The following APBB2 variants were observed in gnomAD, a reference collection of about 807,000 sequenced individuals.
APBB2 encodes Fe65-like 1.
Under a neutral mutation model 82.5 loss-of-function variants are expected in APBB2, and 38 were observed. The observed-to-expected ratio is 0.46, with a 90% CI of 0.36 to 0.60. APBB2 has a LOEUF of 0.60. Ranked by LOEUF, APBB2 falls within the 20% of genes least tolerant of loss-of-function variation. APBB2 has a pLI of 0.00. For missense variants in APBB2, 772 were observed against 972.3 expected, an observed-to-expected ratio of 0.79 and a Z score of 2.74; for synonymous variants, 341 against 368.2, an observed-to-expected ratio of 0.93 and a Z score of 0.85.
intron 10 of APBB2, among the ~76,000 whole-genome samples, chr4:40,912,938 T>A (rs1778930875): frequency 6.6e-6 from 1 of 151,954 alleles, no homozygotes; most frequent in Non-Finnish European, 1.5e-5. Flanking sequence ...CCTGCAGGAG[T>A]CTTGGAAAAG....
At chr4:40,984,842 T>C (rs1375968185) in intron 6 of APBB2, among the ~76,000 whole-genome samples, 2 of 152,300 alleles carry the variant, frequency 1.3e-5, no homozygotes, top group East Asian at 3.9e-4. Context: ...TACGTGGTAC[T>C]AGATATTTTT....
At chr4:40,834,062 T>TC (rs1752993805) in intron 12 of APBB2, among the ~76,000 whole-genome samples, 1 of 152,132 alleles carries the variant, frequency 6.6e-6, no homozygotes, top group African/African-American at 2.4e-5. Flanking sequence ...ACCCACAGCT[T>TC]CCCCAGGGAG....
intron 1 of APBB2, among the ~76,000 whole-genome samples, chr4:41,204,620 G>A (rs79826091): frequency 0.036 from 5,537 of 152,262 alleles, 165 homozygotes; most frequent in Non-Finnish European, 0.046. Context: ...ACATAGTACC[G>A]TCATTCATTC....
At chr4:41,120,039 T>C (rs142655666) in intron 2 of APBB2, among the ~76,000 whole-genome samples, 1 of 152,294 alleles carries the variant, frequency 6.6e-6, no homozygotes, top group Non-Finnish European at 1.5e-5. Context: ...ATCACCATTA[T>C]ATAGATGAGG....
intron 3 of APBB2, among the ~76,000 whole-genome samples, chr4:41,095,676 T>C (rs911356697): frequency 6.6e-6 from 1 of 152,234 alleles, no homozygotes; most frequent in Non-Finnish European, 1.5e-5. Context: ...ACAAGTGTGC[T>C]GGGTGGTTCT....
chr4:41,144,764 C>T (rs192355868), intron 1 of APBB2, among the ~76,000 whole-genome samples: 1 of 152,332 alleles, frequency 6.6e-6, no homozygotes, highest in East Asian at 1.9e-4. Context: ...AGTTGTTTCC[C>T]TCCCTCACCT....
intron 5 of APBB2, among the ~76,000 whole-genome samples, chr4:41,027,468 C>A (rs1169142580): frequency 1.3e-5 from 2 of 150,192 alleles, no homozygotes; most frequent in Non-Finnish European, 3.0e-5. Context: ...TTCCCTCCAA[C>A]AGTGTATAAG....
intron 6 of APBB2, among the ~76,000 whole-genome samples, chr4:40,985,009 C>T (rs1286423148): frequency 6.6e-6 from 1 of 151,994 alleles, no homozygotes; most frequent in Non-Finnish European, 1.5e-5. Context: ...GCAGCCTCAA[C>T]CTCGTGGCTC....
At chr4:41,109,763 C>A (rs1748536219) in intron 2 of APBB2, among the ~76,000 whole-genome samples, 1 of 152,116 alleles carries the variant, frequency 6.6e-6, no homozygotes, top group Non-Finnish European at 1.5e-5. Flanking sequence ...AGCCACTGCG[C>A]CTGGCCAAGA....
chr4:41,042,751 A>G (rs13109452), intron 4 of APBB2, among the ~76,000 whole-genome samples: 41,638 of 144,658 alleles, frequency 0.29, 6,718 homozygotes, highest in East Asian at 0.56. Flanking sequence ...AGATCTGTCT[A>G]CTACCCCTGC....
At chr4:41,081,802 CAG>C (rs1461758142) in intron 3 of APBB2, among the ~76,000 whole-genome samples, 1 of 152,072 alleles carries the variant, frequency 6.6e-6, no homozygotes, top group Non-Finnish European at 1.5e-5. Flanking sequence ...TATGACAAGA[CAG>C]AATTAAAATT....
At chr4:40,919,529 C>T (rs1780722139) in intron 10 of APBB2, among the ~76,000 whole-genome samples, 1 of 152,200 alleles carries the variant, frequency 6.6e-6, no homozygotes, top group Non-Finnish European at 1.5e-5. Context: ...CTATGACATA[C>T]TGTAAAACAC....
intron 3 of APBB2, among the ~76,000 whole-genome samples, chr4:41,099,640 C>T (rs902255735): frequency 1.3e-5 from 2 of 151,930 alleles, no homozygotes; most frequent in Admixed American, 6.6e-5. Flanking sequence ...CTATAAAATC[C>T]GATCTTACTA....
At chr4:41,040,142 C>A (rs1022685147) in intron 4 of APBB2, among the ~76,000 whole-genome samples, 2 of 151,856 alleles carry the variant, frequency 1.3e-5, no homozygotes, top group African/African-American at 4.8e-5. Context: ...ATCATTGTAA[C>A]CTGCCAAGCA....
At chr4:41,092,737 T>A in intron 3 of APBB2, among the ~76,000 whole-genome samples, 1 of 151,206 alleles carries the variant, frequency 6.6e-6, no homozygotes, top group South Asian at 2.1e-4. Context: ...TTCATTCAAC[T>A]GTGCTTGCTC....
At chr4:41,033,407 CCAAA>C (rs1250924756) in intron 4 of APBB2, 103 bp from the exon 5 acceptor site, 7 of 722,064 alleles carry the variant, frequency 9.7e-6, no homozygotes, top group Non-Finnish European at 1.3e-5. Context: ...GTTATATATA[CCAAA>C]CAAATTTTGG....
chr4:40,834,112 C>CTTTTT lies in APBB2; in HGVS notation c.1530-3540_1530-3536dup, dbSNP rs11353477. On this transcript the variant is annotated intron_variant, in intron 12 of 17. Transcript: ENST00000508593. Reference sequence around the variant, plus strand: ...CAGGCTTTTTTGGGAGGAATTCTCACTTTTTTTTTTTTACAGCCTTATCTT... The same window carrying CTTTTT: ...CAGGCTTTTTTGGGAGGAATTCTCACTTTTTTTTTTTTTTTTTACAGCCTTATCTT... Among the ~76,000 whole-genome samples the CTTTTT allele has an allele frequency of 1.1e-4, 16 of 150,308 alleles. 1 individual carries two copies. The highest frequency in any genetic ancestry group is 3.9e-4 in the African/African-American group (16 of 41,052).
intron 4 of APBB2, among the ~76,000 whole-genome samples, chr4:41,057,503 T>C (rs6447594): frequency 0.98 from 148,764 of 152,364 alleles, 72,718 homozygotes; most frequent in East Asian, 1. Context: ...GTTTTCTTTT[T>C]CTTAGTATAT....
intron 5 of APBB2, among the ~76,000 whole-genome samples, chr4:41,024,024 A>T (rs149543473): frequency 6.6e-6 from 1 of 152,334 alleles, no homozygotes; most frequent in East Asian, 1.9e-4. Flanking sequence ...CCAGAAATAA[A>T]GCCATACATC....
Sources: allele counts gnomAD v4.1 joint callset (sites outside exome capture counted in the v4.1 genomes callset), GRCh38; gene constraint gnomAD v4.1.1; transcripts MANE v1.5; gene names NCBI Gene and HGNC (gene_info 2026-07-23, HGNC 2026-07-21).